Variants in DNAJC3 observed in about 807,000 individuals in gnomAD.
The protein encoded by DNAJC3 is dnaJ homolog subfamily C member 3.
Under a neutral mutation model 68.6 loss-of-function variants are expected in DNAJC3, and 38 were observed. That is an observed-to-expected ratio of 0.55 (90% confidence interval 0.43 to 0.73). The LOEUF (loss-of-function observed/expected upper bound fraction) is 0.73, where lower values mean the gene tolerates loss of function less well. Ranked by LOEUF, DNAJC3 falls within the 30% of genes least tolerant of loss-of-function variation. The pLI is 0.00. For missense variants in DNAJC3, 526 were observed against 591.9 expected, an observed-to-expected ratio of 0.89 and a Z score of 1.16; for synonymous variants, 203 against 204.0, an observed-to-expected ratio of 1.00 and a Z score of 0.04.
chr13:95,710,508 T>C (rs984884315), intron 2 of DNAJC3, among the ~76,000 whole-genome samples: 2 of 152,156 alleles, frequency 1.3e-5, no homozygotes, highest in Admixed American at 1.3e-4. Context: ...TGAGATTGTA[T>C]GCATGAGCCA....
At chr13:95,720,302 T>G (rs953334567) in intron 2 of DNAJC3, among the ~76,000 whole-genome samples, 3 of 152,242 alleles carry the variant, frequency 2.0e-5, no homozygotes, top group Non-Finnish European at 4.4e-5. Flanking sequence ...CCAGTATTAT[T>G]CTTTGCTTAG....
intron 9 of DNAJC3, among the ~76,000 whole-genome samples, chr13:95,784,841 G>A (rs530673907): frequency 5.9e-5 from 9 of 152,172 alleles, no homozygotes; most frequent in South Asian, 2.1e-4. Context: ...GGGCGTGGTG[G>A]TGCGTGCCTG....
intron 9 of DNAJC3, among the ~76,000 whole-genome samples, chr13:95,773,498 T>C (rs554024659): frequency 1.3e-5 from 2 of 152,106 alleles, no homozygotes; most frequent in East Asian, 1.9e-4. Context: ...AGTATAAGGC[T>C]ATTAATATTT....
At chr13:95,688,927 G>GGTGGGTGTGTGTGT (rs1555321770) in intron 1 of DNAJC3, among the ~76,000 whole-genome samples, 5 of 129,670 alleles carry the variant, frequency 3.9e-5, no homozygotes, top group African/African-American at 9.2e-5. Context: ...TGATTGTGTG[G>GGTGGGTGTGTGTGT]GTGTGTGTGT....
chr13:95,689,017 A>G (rs553456372), intron 1 of DNAJC3, among the ~76,000 whole-genome samples: 34 of 148,734 alleles, frequency 2.3e-4, no homozygotes, highest in South Asian at 1.5e-3. Context: ...GTTTACATCT[A>G]TTTTCATCAG....
intron 7 of DNAJC3, among the ~76,000 whole-genome samples, chr13:95,761,875 G>C (rs531182701): frequency 2.2e-4 from 34 of 152,086 alleles, no homozygotes; most frequent in African/African-American, 8.0e-4. Flanking sequence ...GAGTAGCTGG[G>C]ACTTCAGATG....
chr13:95,712,374 C>CTTTT (rs71113952), intron 2 of DNAJC3, among the ~76,000 whole-genome samples: 1 of 135,220 alleles, frequency 7.4e-6, no homozygotes, highest in Non-Finnish European at 1.6e-5. Context: ...ATGCTTTTTT[C>CTTTT]TTTTTTTTTT....
chr13:95,733,703 C>CTTT (rs146677839), intron 4 of DNAJC3, among the ~76,000 whole-genome samples: 14 of 102,940 alleles, frequency 1.4e-4, no homozygotes, highest in African/African-American at 2.2e-4. Flanking sequence ...CCTGGCCTGT[C>CTTT]TTTTTTTTTT....
At chr13:95,763,619 T>A in intron 7 of DNAJC3, 24 bp from the exon 8 acceptor site, 4 of 1,605,654 alleles carry the variant, frequency 2.5e-6, no homozygotes, top group Non-Finnish European at 2.6e-6. Flanking sequence ...CATCATTTCT[T>A]ATCATGATTT....
chr13:95,706,609 G>A (rs573292411), intron 1 of DNAJC3, among the ~76,000 whole-genome samples: 3 of 152,252 alleles, frequency 2.0e-5, no homozygotes, highest in East Asian at 3.9e-4. Flanking sequence ...CTCTTTTAAG[G>A]CATCCACCAT....
chr13:95,696,801 A>G (rs1467696410), intron 1 of DNAJC3, among the ~76,000 whole-genome samples: 1 of 151,548 alleles, frequency 6.6e-6, no homozygotes, highest in African/African-American at 2.4e-5. Context: ...ACTGGAGTGC[A>G]GTGGCGTGAT....
At chr13:95,727,913 C>T (rs1881582473) in intron 4 of DNAJC3, among the ~76,000 whole-genome samples, 1 of 152,164 alleles carries the variant, frequency 6.6e-6, no homozygotes, top group Admixed American at 6.5e-5. Context: ...CCTGCTCTGG[C>T]CCCCTAGTCA....
chr13:95,788,170 T>G (rs1340984742), intron 11 of DNAJC3, among the ~76,000 whole-genome samples: 1 of 152,240 alleles, frequency 6.6e-6, no homozygotes, highest in East Asian at 1.9e-4. Flanking sequence ...TATAATCCAG[T>G]AAAGGAGACA....
intron 1 of DNAJC3, among the ~76,000 whole-genome samples, chr13:95,691,525 C>G (rs1880261003): frequency 6.6e-6 from 1 of 151,766 alleles, no homozygotes; most frequent in African/African-American, 2.4e-5. Flanking sequence ...CTCCTCACTT[C>G]CTAGATGGGA....
intron 9 of DNAJC3, among the ~76,000 whole-genome samples, chr13:95,764,375 C>A (rs3848076): frequency 0.4 from 49,904 of 123,234 alleles, 10,011 homozygotes; most frequent in South Asian, 0.47. Flanking sequence ...CTCTCTCTCT[C>A]TATATATATA....
At chr13:95,726,998 C>T (rs1167932224) in intron 4 of DNAJC3, among the ~76,000 whole-genome samples, 2 of 152,106 alleles carry the variant, frequency 1.3e-5, no homozygotes, top group Non-Finnish European at 2.9e-5. Context: ...ATCTATCTCC[C>T]CTCCTACTTG....
At chr13:95,765,917 T>G (rs543770669) in intron 9 of DNAJC3, among the ~76,000 whole-genome samples, 2 of 152,136 alleles carry the variant, frequency 1.3e-5, no homozygotes, top group East Asian at 1.9e-4. Flanking sequence ...CTATAGGAAT[T>G]TATTAAAGAG....
Position 95,772,124 on chromosome 13 carries a change from G to T in DNAJC3, c.1075+8171G>T, listed in dbSNP as rs539172650. ...GATAATACGCAAATGAATAGGCATG[G>T]CTGTGTTCCAATAAAACTTTATTTT... On this transcript the variant is annotated intron_variant, in intron 9 of 11. Coordinates refer to ENST00000602402, the MANE Select transcript of DNAJC3 (RefSeq NM_006260.5). 2.0e-5 allele frequency among the ~76,000 whole-genome samples: 3 copies of T among 152,292 alleles called. No homozygotes were observed. In the South Asian group the frequency reaches 6.2e-4, roughly 32 times the overall value.
chr13:95,778,212 A>G (rs1310014934), intron 9 of DNAJC3, among the ~76,000 whole-genome samples: 1 of 152,232 alleles, frequency 6.6e-6, no homozygotes, highest in Non-Finnish European at 1.5e-5. Context: ...AAAGTCTGAC[A>G]ATCTTAAAAG....
Sources: allele counts gnomAD v4.1 joint callset (sites outside exome capture counted in the v4.1 genomes callset), GRCh38; gene constraint gnomAD v4.1.1; transcripts MANE v1.5; gene names NCBI Gene and HGNC (gene_info 2026-07-23, HGNC 2026-07-21).